VMP1: variants seen among roughly 807,000 people sequenced by gnomAD.
VMP1 encodes vacuole membrane protein 1, also known as ectopic P-granules autophagy protein 3 homolog.
VMP1 carries 11 observed loss-of-function variants against 56.0 expected under a neutral mutation model. The observed-to-expected ratio is 0.20, with a 90% CI of 0.12 to 0.32. The LOEUF (loss-of-function observed/expected upper bound fraction) is 0.32, where lower values mean the gene tolerates loss of function less well. VMP1 is among the 10% of genes least tolerant of loss of function. The pLI is 1.00. For synonymous variants in VMP1, 149 were observed against 165.0 expected (o/e 0.90, Z 0.74); for missense variants, 296 against 490.3 (o/e 0.60, Z 3.74).
At chr17:59,746,263 CG>C (rs2035420536) in intron 5 of VMP1, among the ~76,000 whole-genome samples, 1 of 152,144 alleles carries the variant, frequency 6.6e-6, no homozygotes, top group African/African-American at 2.4e-5. Flanking sequence ...CACCGCCTCC[CG>C]GGTTCAAGCA....
intron 7 of VMP1, among the ~76,000 whole-genome samples, chr17:59,799,383 C>T (rs1009169074): frequency 2.6e-5 from 4 of 152,040 alleles, no homozygotes; most frequent in African/African-American, 7.2e-5. Flanking sequence ...TTTATCTAAC[C>T]GTGTAAGCCA....
At chr17:59,838,156 C>G (rs2144354525) in intron 10 of VMP1, 139 bp from the exon 11 acceptor site, 29 of 217,054 alleles carry the variant, frequency 1.3e-4, no homozygotes, top group East Asian at 2.7e-4. Flanking sequence ...CAGCAGTTCT[C>G]TGATTTTTAT....
intron 10 of VMP1, among the ~76,000 whole-genome samples, chr17:59,819,258 A>G (rs912516082): frequency 8.5e-5 from 13 of 152,178 alleles, no homozygotes; most frequent in African/African-American, 2.2e-4. Context: ...ATATGTGACC[A>G]TATATCACAT....
At chr17:59,714,819 T>G (rs1162564982) in intron 1 of VMP1, among the ~76,000 whole-genome samples, 1 of 152,034 alleles carries the variant, frequency 6.6e-6, no homozygotes, top group Non-Finnish European at 1.5e-5. Flanking sequence ...ACAGATACCA[T>G]GAGGTGCATG....
rs766864144 is a variant in VMP1, at chr17:59,832,182, C to CTTTTT, written c.975-6093_975-6089dup. ...AGCAAGGAAAAGCAAATGAGATCAA[C>CTTTTT]TTTTTTTTTTTTTTTTTTTTTTTTG... On this transcript the variant is annotated intron_variant, in intron 10 of 11. Coordinates refer to ENST00000262291, the MANE Select transcript of VMP1 (RefSeq NM_030938.5). 3.7e-4 allele frequency among the ~76,000 whole-genome samples: 38 copies of CTTTTT among 102,800 alleles called. 1 individual carries two copies. Among genetic ancestry groups the CTTTTT allele is most frequent in the African/African-American group, 6.5e-4 (16 of 24,634 alleles). 67.4% of individuals were successfully genotyped at this position (102,800 alleles called of 152,430 possible). A position where few individuals can be genotyped will look rare whatever the true frequency, so the allele number is the denominator to read the frequency against.
chr17:59,791,294 T>G (rs2144121178), intron 7 of VMP1, among the ~76,000 whole-genome samples: 1 of 151,534 alleles, frequency 6.6e-6, no homozygotes, highest in African/African-American at 2.4e-5. Flanking sequence ...GTTCAAACGA[T>G]TCTCCTGCCT....
At chr17:59,820,900 G>A (rs569502400) in intron 10 of VMP1, among the ~76,000 whole-genome samples, 1 of 151,800 alleles carries the variant, frequency 6.6e-6, no homozygotes, top group Admixed American at 6.6e-5. Context: ...TTTATCTATG[G>A]TAAATAGAAA....
At position 59,842,108 on chromosome 17, in the gene VMP1, C is replaced by T. The variant is rs1438546909; in HGVS notation, c.*2197C>T. The T allele has an allele frequency of 1.3e-5, 2 of 152,098 alleles. No homozygotes were observed. The highest frequency in any genetic ancestry group is 2.9e-5 in the Non-Finnish European group (2 of 68,032). The allele number at this position is 152,098 out of a possible 1,614,324, so 9.4% of individuals were successfully genotyped here. A position where few individuals can be genotyped will look rare whatever the true frequency, so the allele number is the denominator to read the frequency against. On this transcript the variant is annotated 3_prime_UTR_variant, in exon 12 of 12. Transcript: ENST00000262291. ...TGTTCGTGCCTTCCTTTCTTGTATC[C>T]ACCAAAGTGGAGACAAATACATGAT...
At chr17:59,761,211 AT>A (rs1306157912) in intron 5 of VMP1, among the ~76,000 whole-genome samples, 1 of 151,882 alleles carries the variant, frequency 6.6e-6, no homozygotes, top group African/African-American at 2.4e-5. Context: ...CATGTGTTTT[AT>A]TTTCTTTGTG....
At chr17:59,835,573 C>T (rs2144342007) in intron 10 of VMP1, among the ~76,000 whole-genome samples, 1 of 151,568 alleles carries the variant, frequency 6.6e-6, no homozygotes, top group African/African-American at 2.4e-5. Context: ...TCACTGCAAC[C>T]TCTGCCTCCC....
intron 10 of VMP1, among the ~76,000 whole-genome samples, chr17:59,821,684 C>G (rs995110256): frequency 6.6e-6 from 1 of 151,788 alleles, no homozygotes; most frequent in African/African-American, 2.4e-5. Flanking sequence ...TCCCGAGCAG[C>G]TGGGATTATA....
chr17:59,769,892 A>T (rs2036364821), intron 6 of VMP1, among the ~76,000 whole-genome samples: 1 of 152,206 alleles, frequency 6.6e-6, no homozygotes, highest in South Asian at 2.1e-4. Flanking sequence ...AATTGTAAGG[A>T]TTATGAAATG....
At chr17:59,805,884 T>G (rs940636564) in intron 7 of VMP1, among the ~76,000 whole-genome samples, 1 of 152,140 alleles carries the variant, frequency 6.6e-6, no homozygotes, top group Non-Finnish European at 1.5e-5. Flanking sequence ...TTTGTATGCT[T>G]TTTTTGTTGT....
intron 5 of VMP1, among the ~76,000 whole-genome samples, chr17:59,742,125 T>G (rs945494310): frequency 2.6e-4 from 40 of 152,164 alleles, no homozygotes; most frequent in African/African-American, 8.9e-4. Context: ...CCTCACTTTA[T>G]CCAGGTAGGT....
chr17:59,760,620 ATTTTCTT>A (rs749860998), intron 5 of VMP1, among the ~76,000 whole-genome samples: 14 of 151,482 alleles, frequency 9.2e-5, no homozygotes, highest in African/African-American at 1.5e-4. Flanking sequence ...TTTATTTTCT[ATTTTCTT>A]TTTTCTTTTT....
rs771199120 is a variant in VMP1, at chr17:59,738,876, T to C, written c.343T>C (p.Tyr115His). 9.9e-6 allele frequency: 16 copies of C among 1,613,042 alleles called. No individual in the cohort carries two copies. The highest frequency in any genetic ancestry group is 1.3e-5 in the Non-Finnish European group (15 of 1,179,646). ...RIEKQFLLYAYWIGLGILSSV... is the reference protein window; with the variant it reads ...RIEKQFLLYAHWIGLGILSSV... ...AGAGAAACAGTTTCTTTTGTATGCC[T>C]ACTGGATAGGCTTAGGAATTTTGTC... Residue 115 changes from tyrosine to histidine, a missense_variant, in exon 5 of 12, where the codon TAC becomes CAC. Coordinates refer to ENST00000262291, the MANE Select transcript of VMP1 (RefSeq NM_030938.5).
In VMP1 at chr17:59,805,261, G is replaced by A. The variant is rs912502501; in HGVS notation, c.715-3535G>A. 3.9e-5 allele frequency among the ~76,000 whole-genome samples: 6 copies of A among 152,230 alleles called. No individual in the cohort carries two copies. The East Asian group carries it at 7.7e-4, about 20-fold the overall frequency. ...TGAAAGAACGAGAAGTCTGTTTTTC[G>A]TTCTTGCCTAATTGCCGTTAAGCAA... On this transcript the variant is annotated intron_variant, in intron 7 of 11. Transcript: ENST00000262291.
chr17:59,823,286 A>G (rs553215740), intron 10 of VMP1, among the ~76,000 whole-genome samples: 1 of 151,902 alleles, frequency 6.6e-6, no homozygotes, highest in East Asian at 1.9e-4. Context: ...CCCCATCTCT[A>G]CTAAAAATAC....
chr17:59,804,838 A>G (rs903946111), intron 7 of VMP1, among the ~76,000 whole-genome samples: 2 of 152,110 alleles, frequency 1.3e-5, no homozygotes, highest in African/African-American at 4.8e-5. Flanking sequence ...TTCTTGAAAT[A>G]AAAACAACTG....
Sources: allele counts gnomAD v4.1 joint callset (sites outside exome capture counted in the v4.1 genomes callset), GRCh38; gene constraint gnomAD v4.1.1; transcripts MANE v1.5; gene names NCBI Gene and HGNC (gene_info 2026-07-23, HGNC 2026-07-21).